Variants in LINC00305 observed in about 807,000 individuals in gnomAD.
LINC00305 encodes the protein long independently transcribed non-coding RNA 305.
intron 1 of LINC00305, among the ~76,000 whole-genome samples, chr18:64,142,877 C>T (rs928035422): frequency 6.6e-6 from 1 of 152,090 alleles, no homozygotes; most frequent in Non-Finnish European, 1.5e-5. Flanking sequence ...ACGCCAATCA[C>T]TCAGAAACAA....
intron 1 of LINC00305, among the ~76,000 whole-genome samples, chr18:64,104,850 C>A (rs560727109): frequency 6.6e-6 from 1 of 151,874 alleles, no homozygotes; most frequent in African/African-American, 2.4e-5. Flanking sequence ...GAAATCTGGC[C>A]CAGGCTGCAT....
rs80033077 is a variant in LINC00305 at position 64,108,708 on chromosome 18, A to G, written n.315-10068T>C. 6.6e-5 allele frequency among the ~76,000 whole-genome samples: 10 copies of G among 152,334 alleles called. No individual in the cohort carries two copies. In the East Asian group the frequency reaches 1.9e-3, roughly 29 times the overall value. ...TCAAGAAAGTCACATCCACAATCTG[A>G]TAGTGTTAGGTGTGTAGTAGACACT... On this transcript the variant is annotated intron_variant and non_coding_transcript_variant, in intron 1 of 3. Coordinates refer to ENST00000666468, the Ensembl canonical transcript of LINC00305.
intron 1 of LINC00305, among the ~76,000 whole-genome samples, chr18:64,143,410 T>C (rs1386689698): frequency 6.6e-6 from 1 of 151,770 alleles, no homozygotes; most frequent in African/African-American, 2.4e-5. Flanking sequence ...TGTGTGTATA[T>C]ATATATATGT....
intron 1 of LINC00305, among the ~76,000 whole-genome samples, chr18:64,128,428 C>G (rs769881326): frequency 6.6e-6 from 1 of 152,050 alleles, no homozygotes; most frequent in East Asian, 1.9e-4. Context: ...GTTGAAAAAC[C>G]TTTACCTACT....
At chr18:64,147,931 G>A (rs111838425) in intron 1 of LINC00305, among the ~76,000 whole-genome samples, 5 of 152,036 alleles carry the variant, frequency 3.3e-5, no homozygotes, top group Non-Finnish European at 7.4e-5. Flanking sequence ...CCTACACTTG[G>A]TGACCAGTGA....
chr18:64,108,973 G>A (rs1458522897), intron 1 of LINC00305, among the ~76,000 whole-genome samples: 1 of 152,190 alleles, frequency 6.6e-6, no homozygotes, highest in African/African-American at 2.4e-5. Context: ...TCCCATTTAT[G>A]TGGAGGAGGA....
intron 1 of LINC00305, among the ~76,000 whole-genome samples, chr18:64,109,298 T>C (rs1252016184): frequency 2.0e-5 from 3 of 152,190 alleles, no homozygotes; most frequent in African/African-American, 7.2e-5. Flanking sequence ...TAGCTTGTCA[T>C]GTTAGGAACT....
At chr18:64,124,409 A>G (rs921949166) in intron 1 of LINC00305, among the ~76,000 whole-genome samples, 4 of 152,098 alleles carry the variant, frequency 2.6e-5, no homozygotes, top group African/African-American at 9.7e-5. Flanking sequence ...TGCCTCTGTC[A>G]TGGCACTAAT....
At chr18:64,101,622 T>A (rs535821043) in intron 1 of LINC00305, among the ~76,000 whole-genome samples, 55 of 152,310 alleles carry the variant, frequency 3.6e-4, no homozygotes, top group Non-Finnish European at 5.6e-4. Flanking sequence ...CCACGATGAC[T>A]TCATTTTAAC....
intron 3 of LINC00305, among the ~76,000 whole-genome samples, chr18:64,080,745 T>G (rs658290): frequency 3.3e-5 from 5 of 152,120 alleles, no homozygotes; most frequent in African/African-American, 1.2e-4. Flanking sequence ...CAATATGTAG[T>G]GCAAAATTAT....
chr18:64,111,007 T>G (rs1207863330), intron 1 of LINC00305, among the ~76,000 whole-genome samples: 1 of 152,164 alleles, frequency 6.6e-6, no homozygotes, highest in South Asian at 2.1e-4. Context: ...GTGTGGTGCT[T>G]TCTGAGAACA....
intron 3 of LINC00305, among the ~76,000 whole-genome samples, chr18:64,094,172 G>T (rs761295208): frequency 1.2e-4 from 18 of 152,080 alleles, no homozygotes; most frequent in Non-Finnish European, 2.1e-4. Context: ...CAAACTAAAA[G>T]AACGTTATTA....
At chr18:64,091,946 G>A (rs1301988452) in intron 3 of LINC00305, among the ~76,000 whole-genome samples, 2 of 152,142 alleles carry the variant, frequency 1.3e-5, no homozygotes, top group East Asian at 3.8e-4. Context: ...CCCTGATAGT[G>A]GTATTTATTT....
At chr18:64,148,164 G>A (rs568542141) in intron 1 of LINC00305, among the ~76,000 whole-genome samples, 258 of 152,124 alleles carry the variant, frequency 1.7e-3, no homozygotes, top group African/African-American at 5.7e-3. Flanking sequence ...GTTTCTGGAA[G>A]TCTTTATTGC....
chr18:64,105,781 G>C (rs1049242504), intron 1 of LINC00305, among the ~76,000 whole-genome samples: 1 of 152,114 alleles, frequency 6.6e-6, no homozygotes, highest in Non-Finnish European at 1.5e-5. Context: ...TCAATACTAC[G>C]ATAAATATCT....
intron 1 of LINC00305, among the ~76,000 whole-genome samples, chr18:64,110,943 A>G (rs2051312360): frequency 6.6e-6 from 1 of 152,236 alleles, no homozygotes; most frequent in Non-Finnish European, 1.5e-5. Flanking sequence ...TCCGTTTCCA[A>G]TGCAGGGTGA....
At chr18:64,112,556 AT>A (rs2051319737) in intron 1 of LINC00305, among the ~76,000 whole-genome samples, 1 of 152,172 alleles carries the variant, frequency 6.6e-6, no homozygotes, top group African/African-American at 2.4e-5. Flanking sequence ...ATGTAATACA[AT>A]TTAGTGGTAT....
chr18:64,115,038 T>C (rs2051331768), intron 1 of LINC00305, among the ~76,000 whole-genome samples: 1 of 152,184 alleles, frequency 6.6e-6, no homozygotes, highest in East Asian at 1.9e-4. Flanking sequence ...TCGTCAGCCC[T>C]CTGGGATGCT....
At chr18:64,146,435 T>C (rs775878526) in intron 1 of LINC00305, among the ~76,000 whole-genome samples, 15 of 152,140 alleles carry the variant, frequency 9.9e-5, no homozygotes, top group Non-Finnish European at 1.9e-4. Context: ...TTGTAAGAAG[T>C]AGCTTAAGTG....
Sources: allele counts gnomAD v4.1 joint callset (sites outside exome capture counted in the v4.1 genomes callset), GRCh38; gene constraint gnomAD v4.1.1; transcripts MANE v1.5; gene names NCBI Gene and HGNC (gene_info 2026-07-23, HGNC 2026-07-21).